The following FBXO11 variants were observed in gnomAD, a reference collection of about 807,000 sequenced individuals.
The protein encoded by FBXO11 is F-box only protein 11.
A neutral mutation model predicts 117.0 loss-of-function variants in FBXO11; 13 were observed. The observed-to-expected ratio is 0.11, with a 90% confidence interval of 0.07 to 0.18. The LOEUF (loss-of-function observed/expected upper bound fraction) is 0.18. Among genes scored for constraint, FBXO11 ranks in the 10% least tolerant of loss-of-function variants. FBXO11 has a pLI of 1.00. For missense variants in FBXO11, 767 were observed against 1,164.4 expected, an observed-to-expected ratio of 0.66 and a Z score of 4.97; for synonymous variants, 490 against 380.5, an observed-to-expected ratio of 1.29 and a Z score of -3.35.
At chr2:47,833,259 T>G (rs1359679827) in intron 7 of FBXO11, among the ~76,000 whole-genome samples, 189 bp from the exon 8 acceptor site, 1 of 152,202 alleles carries the variant, frequency 6.6e-6, no homozygotes, top group Admixed American at 6.5e-5. Flanking sequence ...TCTAATAACA[T>G]TTAACTATAA....
chr2:47,857,233 C>T (rs187445384), intron 1 of FBXO11, among the ~76,000 whole-genome samples: 15 of 152,196 alleles, frequency 9.9e-5, no homozygotes, highest in African/African-American at 3.1e-4. Flanking sequence ...AAACAACACA[C>T]CATTTGTTTG....
intron 1 of FBXO11, among the ~76,000 whole-genome samples, chr2:47,850,058 A>G (rs1395146060): frequency 6.6e-6 from 1 of 152,240 alleles, no homozygotes; most frequent in African/African-American, 2.4e-5. Context: ...GAGCTACAGC[A>G]CAATACAACT....
intron 1 of FBXO11, among the ~76,000 whole-genome samples, chr2:47,868,065 A>G (rs1675330810): frequency 1.3e-5 from 2 of 152,130 alleles, no homozygotes; most frequent in African/African-American, 4.8e-5. Context: ...CTTAAGGCCC[A>G]CACAATCCTT....
rs1007235918 is a variant in FBXO11 at position 47,832,330 on chromosome 2, T to G, written c.1398+19A>C. The G allele has an allele frequency of 1.7e-4, 259 of 1,521,534 alleles. No homozygotes were observed. The highest frequency in any genetic ancestry group is 2.1e-4 in the Non-Finnish European group (240 of 1,128,752). 94.3% of individuals were successfully genotyped at this position (1,521,534 alleles called of 1,614,324 possible). A position where few individuals can be genotyped will look rare whatever the true frequency, so the allele number is the denominator to read the frequency against. On this transcript the variant is annotated intron_variant, in intron 11 of 22. Transcript: ENST00000403359. ...CTGATACAGAAGTCCGTTTTTCTAT[T>G]AAAAATAAGTGTTCTTACCATGCCA...
intron 1 of FBXO11, among the ~76,000 whole-genome samples, chr2:47,851,794 G>C (rs1346028522): frequency 6.6e-6 from 1 of 152,158 alleles, no homozygotes; most frequent in African/African-American, 2.4e-5. Context: ...TTATGGGCAA[G>C]GAGTTTAAGA....
intron 21 of FBXO11, 119 bp downstream of exon 21, chr2:47,809,039 A>T (rs1156994821): frequency 1.6e-6 from 1 of 608,556 alleles, no homozygotes; most frequent in Admixed American, 3.3e-5. Context: ...GATTGATGAT[A>T]AAATTTTCAG....
rs191550946 is a variant in FBXO11, at chr2:47,859,868, G to A, written c.233-20099C>T. The stretch of plus-strand genomic sequence containing the variant: ...TTGTGCTAGGATGAGACCTGAGATT[G>A]AGGCCCCATTTATCAGTACCAAGCT... On this transcript the variant is annotated intron_variant, in intron 1 of 22. Transcript: ENST00000403359. 6.3e-4 allele frequency among the ~76,000 whole-genome samples: 96 copies of A among 152,246 alleles called. No individual in the cohort carries two copies. The East Asian group carries it at 0.018, about 29-fold the overall frequency.
At chr2:47,897,674 G>A (rs1421526539) in intron 1 of FBXO11, among the ~76,000 whole-genome samples, 2 of 143,294 alleles carry the variant, frequency 1.4e-5, no homozygotes, top group Non-Finnish European at 3.0e-5. Flanking sequence ...TCCAGCCTGG[G>A]TGACAGAGTG....
At chr2:47,810,593 G>T (rs910042042) in intron 18 of FBXO11, 167 bp from the exon 19 acceptor site, 4 of 508,090 alleles carry the variant, frequency 7.9e-6, no homozygotes, top group South Asian at 6.1e-5. Flanking sequence ...AGGTATTAAG[G>T]ATCTAACAAA....
intron 4 of FBXO11, among the ~76,000 whole-genome samples, chr2:47,836,763 T>A (rs1572814817): frequency 6.6e-6 from 1 of 152,190 alleles, no homozygotes; most frequent in African/African-American, 2.4e-5. Context: ...ACATCATGAT[T>A]ATCACTTAAA....
At chr2:47,888,651 A>G in intron 1 of FBXO11, 3 of 981,954 alleles carry the variant, frequency 3.1e-6, no homozygotes, top group Non-Finnish European at 3.6e-6. Context: ...TCTTTGGAAT[A>G]ACACTTAAAA....
intron 1 of FBXO11, among the ~76,000 whole-genome samples, chr2:47,857,273 A>G (rs930301549): frequency 3.9e-5 from 6 of 152,164 alleles, no homozygotes; most frequent in African/African-American, 1.2e-4. Context: ...GCCATTAATG[A>G]GCAAGAAGGT....
At chr2:47,888,303 C>G (rs1353094064) in intron 1 of FBXO11, among the ~76,000 whole-genome samples, 1 of 152,186 alleles carries the variant, frequency 6.6e-6, no homozygotes, top group East Asian at 1.9e-4. Context: ...GACTTGGGCT[C>G]TAAATCCAAA....
At chr2:47,848,497 C>G (rs1673594727) in intron 1 of FBXO11, among the ~76,000 whole-genome samples, 1 of 152,166 alleles carries the variant, frequency 6.6e-6, no homozygotes, top group Non-Finnish European at 1.5e-5. Flanking sequence ...TCCATAAAAC[C>G]AGTCATTGGT....
chr2:47,852,045 G>A (rs1157420393), intron 1 of FBXO11, among the ~76,000 whole-genome samples: 1 of 147,560 alleles, frequency 6.8e-6, no homozygotes, highest in African/African-American at 2.5e-5. Flanking sequence ...AGGTTGGAGT[G>A]CAATGGCACT....
intron 1 of FBXO11, among the ~76,000 whole-genome samples, chr2:47,866,574 A>G (rs1675215979): frequency 6.6e-6 from 1 of 151,826 alleles, no homozygotes; most frequent in African/African-American, 2.4e-5. Flanking sequence ...CTCGGGTTCA[A>G]GCGATTCTCC....
At chr2:47,896,876 T>C (rs1677708707) in intron 1 of FBXO11, among the ~76,000 whole-genome samples, 1 of 152,198 alleles carries the variant, frequency 6.6e-6, no homozygotes, top group Non-Finnish European at 1.5e-5. Flanking sequence ...ATACTAGCTT[T>C]CAAAATATAG....
intron 16 of FBXO11, among the ~76,000 whole-genome samples, chr2:47,817,079 T>C (rs577597442): frequency 6.6e-6 from 1 of 152,360 alleles, no homozygotes; most frequent in Admixed American, 6.5e-5. Context: ...TACACTGAAA[T>C]CTGTTTAGTG....
At chr2:47,854,051 A>G (rs1033823860) in intron 1 of FBXO11, among the ~76,000 whole-genome samples, 4 of 152,212 alleles carry the variant, frequency 2.6e-5, no homozygotes, top group African/African-American at 9.7e-5. Flanking sequence ...AGAGGCTATA[A>G]AACTATTCCA....
Sources: allele counts gnomAD v4.1 joint callset (sites outside exome capture counted in the v4.1 genomes callset), GRCh38; gene constraint gnomAD v4.1.1; transcripts MANE v1.5; gene names NCBI Gene and HGNC (gene_info 2026-07-23, HGNC 2026-07-21).